Variants in CDH13 observed in about 807,000 individuals in gnomAD.
The protein encoded by CDH13 is cadherin-13.
CDH13 carries 24 observed loss-of-function variants against 63.8 expected under a neutral mutation model. The ratio of observed to expected loss-of-function variants is 0.38; its 90% CI spans 0.27 to 0.53. CDH13 has a LOEUF of 0.53. Among genes scored for constraint, CDH13 ranks in the 20% least tolerant of loss-of-function variants. The pLI is 0.85. For synonymous variants in CDH13, 503 were observed against 355.3 expected (o/e 1.42, Z -4.67); for missense variants, 1,049 against 903.1 (o/e 1.16, Z -2.07).
At chr16:82,918,823 T>A (rs2042071968) in intron 2 of CDH13, among the ~76,000 whole-genome samples, 1 of 152,194 alleles carries the variant, frequency 6.6e-6, no homozygotes, top group African/African-American at 2.4e-5. Context: ...ACACTGTAAC[T>A]TTTGATACAT....
chr16:83,691,436 G>T (rs199978210), intron 10 of CDH13, among the ~76,000 whole-genome samples: 3 of 152,108 alleles, frequency 2.0e-5, no homozygotes, highest in Non-Finnish European at 4.4e-5. Context: ...CAAGCCCTGG[G>T]ACACTCTCAT....
intron 2 of CDH13, among the ~76,000 whole-genome samples, chr16:82,908,734 T>C (rs1303949417): frequency 6.6e-6 from 1 of 152,174 alleles, no homozygotes. Context: ...GAAACCTCTG[T>C]GAATACCAAA....
At chr16:82,753,157 A>C (rs745631057) in intron 1 of CDH13, among the ~76,000 whole-genome samples, 6 of 152,212 alleles carry the variant, frequency 3.9e-5, no homozygotes, top group Non-Finnish European at 8.8e-5. Flanking sequence ...TCATGAGTCC[A>C]TGGAAACAGC....
At chr16:82,793,117 A>G (rs16958672) in intron 1 of CDH13, among the ~76,000 whole-genome samples, 4,077 of 152,308 alleles carry the variant, frequency 0.027, 191 homozygotes, top group African/African-American at 0.094. Context: ...GGGCGACTAA[A>G]CAAGTGGCCC....
At chr16:83,078,448 A>G (rs906067154) in intron 3 of CDH13, among the ~76,000 whole-genome samples, 19 of 152,322 alleles carry the variant, frequency 1.2e-4, no homozygotes, top group South Asian at 4.2e-4. Flanking sequence ...TGAGGATCAC[A>G]ATTGGGTTTG....
At chr16:82,909,418 T>C (rs927560259) in intron 2 of CDH13, among the ~76,000 whole-genome samples, 2 of 152,208 alleles carry the variant, frequency 1.3e-5, no homozygotes, top group African/African-American at 4.8e-5. Context: ...ATTTGTGTTT[T>C]AACATTTTAA....
chr16:83,001,326 A>G (rs1162910966), intron 2 of CDH13, among the ~76,000 whole-genome samples: 2 of 152,244 alleles, frequency 1.3e-5, no homozygotes, highest in Admixed American at 6.5e-5. Context: ...GTAGTGTTGC[A>G]TTGGTGTGAA....
At chr16:83,051,221 G>C (rs1053360655) in intron 3 of CDH13, among the ~76,000 whole-genome samples, 1 of 152,092 alleles carries the variant, frequency 6.6e-6, no homozygotes, top group Admixed American at 6.6e-5. Flanking sequence ...GTCACTTTCA[G>C]CCCTCACAAT....
chr16:82,660,436 C>T lies in CDH13; in HGVS notation c.45+33299C>T, dbSNP rs1460938577. Among the ~76,000 whole-genome samples, 12 of 139,530 alleles carry T rather than the reference C, an allele frequency of 8.6e-5. 2 individuals carry two copies. Among genetic ancestry groups the T allele is most frequent in the Admixed American group, 3.4e-4 (5 of 14,654 alleles). The allele number at this position is 139,530 out of a possible 152,430, so 91.5% of individuals were successfully genotyped here. Reference sequence around the variant, plus strand: ...CCACTATGGGCGTTCCTGTGCCTGCCGGGGCGTGCGGGGAAACCCAAGAGG... The same window carrying T: ...CCACTATGGGCGTTCCTGTGCCTGCTGGGGCGTGCGGGGAAACCCAAGAGG... On this transcript the variant is annotated intron_variant, in intron 1 of 13. Coordinates refer to ENST00000567109, the MANE Select transcript of CDH13 (RefSeq NM_001257.5).
intron 2 of CDH13, among the ~76,000 whole-genome samples, chr16:82,898,893 T>C (rs183177337): frequency 2.0e-5 from 3 of 152,332 alleles, no homozygotes; most frequent in Admixed American, 6.5e-5. Flanking sequence ...AGTGCTTGTT[T>C]ATTAAAGAGT....
intron 5 of CDH13, among the ~76,000 whole-genome samples, chr16:83,296,102 C>G (rs927353062): frequency 7.2e-5 from 11 of 152,200 alleles, no homozygotes; most frequent in African/African-American, 2.7e-4. Flanking sequence ...GTAAATTTCT[C>G]TGACTAGCTT....
chr16:82,874,988 G>T (rs2040458626), intron 2 of CDH13, among the ~76,000 whole-genome samples: 1 of 152,154 alleles, frequency 6.6e-6, no homozygotes, highest in Non-Finnish European at 1.5e-5. Context: ...CATGGGCTAG[G>T]ACCAGGCTTT....
chr16:83,307,855 G>C (rs999696251), intron 5 of CDH13, among the ~76,000 whole-genome samples: 1 of 152,076 alleles, frequency 6.6e-6, no homozygotes, highest in African/African-American at 2.4e-5. Flanking sequence ...GGTAATATGC[G>C]TGCTGCCGTT....
At chr16:83,437,187 G>A (rs1024392552) in intron 6 of CDH13, among the ~76,000 whole-genome samples, 4 of 152,074 alleles carry the variant, frequency 2.6e-5, no homozygotes, top group Admixed American at 6.5e-5. Context: ...AGTCCAGAAG[G>A]TGACTCTCAT....
intron 4 of CDH13, among the ~76,000 whole-genome samples, chr16:83,188,587 G>C (rs923368167): frequency 6.6e-5 from 10 of 152,104 alleles, no homozygotes; most frequent in Admixed American, 6.6e-4. Flanking sequence ...CCATGGTCCT[G>C]GCTCCCAAAC....
At chr16:83,749,318 A>G (rs1912882056) in intron 11 of CDH13, among the ~76,000 whole-genome samples, 1 of 152,170 alleles carries the variant, frequency 6.6e-6, no homozygotes, top group Non-Finnish European at 1.5e-5. Context: ...GAAGTGAGCA[A>G]TCCATGTGAC....
At chr16:82,861,681 C>T (rs1338813724) in intron 2 of CDH13, among the ~76,000 whole-genome samples, 2 of 152,226 alleles carry the variant, frequency 1.3e-5, no homozygotes, top group East Asian at 1.9e-4. Context: ...ATCTCTGATA[C>T]ATCTTTCTCT....
intron 5 of CDH13, among the ~76,000 whole-genome samples, chr16:83,298,697 G>A (rs960074215): frequency 6.6e-6 from 1 of 152,168 alleles, no homozygotes; most frequent in African/African-American, 2.4e-5. Context: ...ATTAACCACT[G>A]GACTTGGAAA....
intron 2 of CDH13, among the ~76,000 whole-genome samples, chr16:83,031,367 TGTATATGTATACAC>T (rs1171814532): frequency 1.4e-5 from 1 of 72,064 alleles, no homozygotes; most frequent in South Asian, 5.3e-4. Flanking sequence ...TACATGTACA[TGTATATGTATACAC>T]GTATATGTAT....
Sources: allele counts gnomAD v4.1 joint callset (sites outside exome capture counted in the v4.1 genomes callset), GRCh38; gene constraint gnomAD v4.1.1; transcripts MANE v1.5; gene names NCBI Gene and HGNC (gene_info 2026-07-23, HGNC 2026-07-21).